Variants in ALX4 observed in about 807,000 individuals in gnomAD.
The protein encoded by ALX4 is ALX homeobox 4.
ALX4 carries 22 observed loss-of-function variants against 40.6 expected under a neutral mutation model. That is an observed-to-expected ratio of 0.54 (90% CI 0.39 to 0.77). ALX4 has a LOEUF of 0.77. Ranked by LOEUF, ALX4 falls within the 30% of genes least tolerant of loss-of-function variation. The pLI, the probability that ALX4 is intolerant of heterozygous loss-of-function variation, is 0.00. For missense variants in ALX4, 556 were observed against 564.8 expected, an observed-to-expected ratio of 0.98 and a Z score of 0.16; for synonymous variants, 266 against 240.5, an observed-to-expected ratio of 1.11 and a Z score of -0.98.
chr11:44,275,192 G>C (rs574396340), intron 2 of ALX4, among the ~76,000 whole-genome samples, 156 bp downstream of exon 2: 1 of 152,282 alleles, frequency 6.6e-6, no homozygotes, highest in Admixed American at 6.5e-5. Context: ...GGGGCATGAG[G>C]GGCAGGCTAG....
intron 1 of ALX4, among the ~76,000 whole-genome samples, chr11:44,299,354 GTT>G (rs772070484): frequency 1.0e-3 from 113 of 113,064 alleles, no homozygotes; most frequent in African/African-American, 2.7e-3. Context: ...GGGGGCCATG[GTT>G]TTTTTTTTTT....
Position 44,310,042 on chromosome 11 carries a change from G to A in ALX4, c.21C>T (p.Val7=). 2 of 1,599,854 alleles carry A rather than the reference G, an allele frequency of 1.3e-6. No individual in the cohort carries two copies. The highest frequency in any genetic ancestry group is 1.7e-6 in the Non-Finnish European group (2 of 1,173,518). MNAETC[V]SYCESPAAAM... is the part of the protein sequence containing the mutation. ...CAGCGGCCGGCGACTCGCAGTAAGA[G>A]ACGCAAGTCTCAGCATTCATGCCTG... The change falls in exon 1 of 4, where the codon GTC becomes GTT. Residue 7 remains valine (V), a synonymous_variant. Transcript: ENST00000652299.
rs1242436062 is a variant in ALX4, at chr11:44,267,503, G to A, written c.897C>T (p.Asn299=). The change falls in exon 3 of 4, where the codon AAC becomes AAT. Residue 299 remains asparagine, a synonymous_variant. Transcript: ENST00000652299. ...TCAGGGCGGGACTTACCTGGGCGTAGTTCTCAGCTCGGGTGAGGAGGGGCA... is the reference window on the plus strand; with the variant it reads ...TCAGGGCGGGACTTACCTGGGCGTAATTCTCAGCTCGGGTGAGGAGGGGCA... ...YELPLLTRAE[N]YAQIQNPSWL... The A allele has an allele frequency of 1.2e-5, 20 of 1,614,006 alleles. No homozygotes were observed. Among genetic ancestry groups the A allele is most frequent in the Non-Finnish European group, 1.7e-5 (20 of 1,180,018 alleles).
intron 2 of ALX4, among the ~76,000 whole-genome samples, chr11:44,268,438 G>A (rs1342295925): frequency 6.6e-6 from 1 of 152,194 alleles, no homozygotes; most frequent in Admixed American, 6.5e-5. Flanking sequence ...AAAATCTTGT[G>A]TAGAAGCGTG....
intron 1 of ALX4, among the ~76,000 whole-genome samples, chr11:44,275,870 C>T (rs2135314378): frequency 6.6e-6 from 1 of 152,328 alleles, no homozygotes; most frequent in African/African-American, 2.4e-5. Flanking sequence ...CAATCTGAGC[C>T]TCTTCACCAT....
chr11:44,300,496 C>T (rs1353396456), intron 1 of ALX4, among the ~76,000 whole-genome samples: 1 of 152,198 alleles, frequency 6.6e-6, no homozygotes, highest in Non-Finnish European at 1.5e-5. Context: ...GGACCCCAAA[C>T]TCTACATACA....
intron 1 of ALX4, among the ~76,000 whole-genome samples, chr11:44,291,147 T>C (rs1956366569): frequency 6.6e-6 from 1 of 152,156 alleles, no homozygotes; most frequent in Non-Finnish European, 1.5e-5. Context: ...CCATTTCACA[T>C]ACATATAACA....
intron 1 of ALX4, among the ~76,000 whole-genome samples, chr11:44,296,059 G>A (rs78873190): frequency 6.6e-6 from 1 of 152,196 alleles, no homozygotes; most frequent in African/African-American, 2.4e-5. Context: ...GGCCTACAAG[G>A]GTCCTTGTAC....
chr11:44,297,070 A>G (rs1250586706), intron 1 of ALX4, among the ~76,000 whole-genome samples: 1 of 150,638 alleles, frequency 6.6e-6, no homozygotes, highest in Non-Finnish European at 1.5e-5. Context: ...AGAGAGTAGA[A>G]TAGAGGTCAC....
At chr11:44,279,409 G>A (rs935972587) in intron 1 of ALX4, among the ~76,000 whole-genome samples, 1 of 152,212 alleles carries the variant, frequency 6.6e-6, no homozygotes, top group African/African-American at 2.4e-5. Context: ...GATGATATGA[G>A]GAGTGGGGCT....
chr11:44,306,692 TC>T (rs1251015551), intron 1 of ALX4, among the ~76,000 whole-genome samples: 1 of 152,210 alleles, frequency 6.6e-6, no homozygotes, highest in African/African-American at 2.4e-5. Context: ...ACTCCATTTC[TC>T]CGCTTTTGAG....
At chr11:44,309,442 G>C (rs1956492038) in intron 1 of ALX4, among the ~76,000 whole-genome samples, 155 bp downstream of exon 1, 2 of 152,160 alleles carry the variant, frequency 1.3e-5, no homozygotes, top group South Asian at 4.2e-4. Flanking sequence ...AGATCCCTTG[G>C]CTCCCTCGCA....
At position 44,264,637 on chromosome 11, in the gene ALX4, T is replaced by G; in HGVS notation, c.*217A>C. 3.3e-6 allele frequency: 2 copies of G among 600,846 alleles called. No individual in the cohort carries two copies. Among genetic ancestry groups the G allele is most frequent in the Non-Finnish European group, 5.9e-6 (2 of 341,518 alleles). The allele number at this position is 600,846 out of a possible 1,614,324, so 37.2% of individuals were successfully genotyped here. A position where few individuals can be genotyped will look rare whatever the true frequency, so the allele number is the denominator to read the frequency against. On this transcript the variant is annotated 3_prime_UTR_variant, in exon 4 of 4. Transcript: ENST00000652299. The stretch of plus-strand genomic sequence containing the variant: ...CACTGCCTGTGGCCGGGAGCAGGGG[T>G]CAGGGCCTCAGTGCCAGGGAGGGGC...
intron 1 of ALX4, among the ~76,000 whole-genome samples, chr11:44,299,677 A>T (rs143772763): frequency 2.0e-4 from 31 of 152,164 alleles, no homozygotes; most frequent in African/African-American, 7.5e-4. Context: ...CCATGTTTGT[A>T]AGACCCTGTC....
chr11:44,274,415 AT>A (rs1390012761), intron 2 of ALX4, among the ~76,000 whole-genome samples: 1 of 144,654 alleles, frequency 6.9e-6, no homozygotes, highest in Non-Finnish European at 1.5e-5. Context: ...GTTGAGTTCT[AT>A]TGGGTTGTGT....
At chr11:44,272,988 A>G (rs896854792) in intron 2 of ALX4, among the ~76,000 whole-genome samples, 2 of 152,284 alleles carry the variant, frequency 1.3e-5, no homozygotes, top group East Asian at 1.9e-4. Context: ...TGTAGACTCT[A>G]TTAGAGATGC....
intron 3 of ALX4, 62 bp from the exon 4 acceptor site, chr11:44,265,245 C>G: frequency 6.9e-7 from 1 of 1,448,660 alleles, no homozygotes; most frequent in South Asian, 1.4e-5. Flanking sequence ...AAGGGGCTCG[C>G]CCCTTCCCCC....
intron 1 of ALX4, among the ~76,000 whole-genome samples, chr11:44,280,864 C>T (rs879124966): frequency 6.6e-6 from 1 of 152,226 alleles, no homozygotes; most frequent in Admixed American, 6.5e-5. Context: ...CTGAGCCCTT[C>T]AACCTCTGCT....
intron 1 of ALX4, among the ~76,000 whole-genome samples, chr11:44,282,206 C>T (rs940419915): frequency 6.6e-6 from 1 of 152,166 alleles, no homozygotes; most frequent in Non-Finnish European, 1.5e-5. Context: ...TTCTAGCAGA[C>T]ACTTCACCCA....
Sources: gnomAD v4.1 joint callset for allele counts (sites outside exome capture counted in the v4.1 genomes callset) on GRCh38, gnomAD v4.1.1 for gene constraint, MANE v1.5 for transcripts, NCBI Gene and HGNC (gene_info 2026-07-23, HGNC 2026-07-21) for gene names.